The following BEND3 variants were observed in gnomAD, a reference collection of about 807,000 sequenced individuals.
BEND3 encodes the protein BEN domain-containing protein 3.
BEND3 carries 13 observed loss-of-function variants against 60.1 expected under a neutral mutation model. That is an observed-to-expected ratio of 0.22 (90% confidence interval 0.14 to 0.34). The LOEUF is 0.34. BEND3 is among the 10% of genes least tolerant of loss of function. The pLI, the probability that BEND3 is intolerant of heterozygous loss-of-function variation, is 1.00. For missense variants in BEND3, 896 were observed against 1,138.1 expected (o/e 0.79, Z 3.06); for synonymous variants, 497 against 491.5 (o/e 1.01, Z -0.15).
chr6:107,089,124 C>T (rs1252561227), intron 3 of BEND3, among the ~76,000 whole-genome samples: 7 of 129,316 alleles, frequency 5.4e-5, no homozygotes, highest in East Asian at 2.4e-4. Flanking sequence ...GGCAAAAGAT[C>T]GAGACTCCGT....
chr6:107,077,129 T>C (rs1775117076), intron 3 of BEND3, among the ~76,000 whole-genome samples: 2 of 152,170 alleles, frequency 1.3e-5, no homozygotes, highest in African/African-American at 2.4e-5. Flanking sequence ...GAATTTCTAA[T>C]GATCTCTTTC....
intron 1 of BEND3, among the ~76,000 whole-genome samples, chr6:107,112,086 C>G (rs1770114969): frequency 6.6e-6 from 1 of 152,128 alleles, no homozygotes; most frequent in Non-Finnish European, 1.5e-5. Flanking sequence ...GGCTAGCGAC[C>G]TTCATACTCT....
At chr6:107,110,032 A>G (rs1554238147) in intron 1 of BEND3, among the ~76,000 whole-genome samples, 1 of 19,222 alleles carries the variant, frequency 5.2e-5, no homozygotes. Context: ...CCCTGACTCA[A>G]AAAAAAAAAA....
chr6:107,069,500 T>C lies in BEND3; in HGVS notation c.1691A>G (p.Tyr564Cys). ...GTTGCCGATGGACAGGCTGCTCTCG[T>C]AGATGCTGCGTAGCTGCTCCTTGCT... The part of the protein sequence containing the change: ...LLSKEQLRSI[Y>C]ESSLSIGNFA... Residue 564 changes from tyrosine (Y) to cysteine (C), a missense_variant, in exon 4 of 4, where the codon TAC (tyrosine) becomes TGC (cysteine). By Grantham distance (194) the Tyr-to-Cys change is radical. Coordinates refer to ENST00000369042, the MANE Select transcript of BEND3 (RefSeq NM_001367314.1). The C allele has an allele frequency of 1.9e-6, 3 of 1,613,090 alleles. No individual in the cohort carries two copies.
In BEND3 at chr6:107,068,573, A is replaced by C. The variant is rs1461004019; in HGVS notation, c.*131T>G. On this transcript the variant is annotated 3_prime_UTR_variant, in exon 4 of 4. Transcript: ENST00000369042. The surrounding 1 kb of genome is among the most constrained non-coding windows in gnomAD (Gnocchi z 5.8). ...GGGTGTTTACGTGTGCAAATGTAGT[A>C]AGCCACTCCCCACGGACATAAGGTG... 2 of 1,008,832 alleles carry C rather than the reference A, an allele frequency of 2.0e-6. No homozygotes were observed. Among genetic ancestry groups the C allele is most frequent in the Non-Finnish European group, 2.8e-6 (2 of 702,220 alleles). 62.5% of individuals were successfully genotyped at this position (1,008,832 alleles called of 1,614,324 possible).
rs1774890091 is a variant in BEND3, at chr6:107,068,911, C to T, written c.2280G>A (p.Gln760=). Residue 760 remains glutamine, a synonymous_variant, in exon 4 of 4, where the codon CAG becomes CAA. Coordinates refer to ENST00000369042, the MANE Select transcript of BEND3 (RefSeq NM_001367314.1). The surrounding 1 kb of genome is among the most constrained non-coding windows in gnomAD (Gnocchi z 5.8). ...TGTTGCAAGCCCCGGAATGGTTGTA[C>T]TGCAGCCGGAGGTTCTCGGCGGTGA... ...ELFTAENLRL[Q]YNHSGACNKK... 1.2e-6 allele frequency: 2 copies of T among 1,613,850 alleles called. No homozygotes were observed. The highest frequency in any genetic ancestry group is 2.7e-5 in the African/African-American group (2 of 74,896).
intron 3 of BEND3, among the ~76,000 whole-genome samples, chr6:107,082,697 G>A (rs1249512816): frequency 1.3e-5 from 2 of 152,180 alleles, no homozygotes; most frequent in East Asian, 3.9e-4. Context: ...CCAAAGTGCT[G>A]GGATTACAGG....
At chr6:107,078,711 G>A (rs1219482512) in intron 3 of BEND3, among the ~76,000 whole-genome samples, 1 of 151,208 alleles carries the variant, frequency 6.6e-6, no homozygotes, top group Non-Finnish European at 1.5e-5. Context: ...AGCCCAGCGA[G>A]GCGGGCAGTG....
In BEND3 at chr6:107,066,536, CA is replaced by C. The variant is rs1774833543; in HGVS notation, c.*2167del. 2 of 152,598 alleles carry C rather than the reference CA, an allele frequency of 1.3e-5. No homozygotes were observed. The highest frequency in any genetic ancestry group is 2.4e-5 in the African/African-American group (1 of 41,444). The allele number at this position is 152,598 out of a possible 1,614,324, so 9.5% of individuals were successfully genotyped here. On this transcript the variant is annotated 3_prime_UTR_variant, in exon 4 of 4. Coordinates refer to ENST00000369042, the MANE Select transcript of BEND3 (RefSeq NM_001367314.1). ...TCCTAGAACCTGTTGATTTCTCTAA[CA>C]GGGGTAGATGGGAGTTTCAAAAAAA...
At chr6:107,089,726 C>T (rs1775435290) in intron 3 of BEND3, among the ~76,000 whole-genome samples, 1 of 151,334 alleles carries the variant, frequency 6.6e-6, no homozygotes, top group Non-Finnish European at 1.5e-5. Flanking sequence ...TCCTGAGTAG[C>T]TGGGATAAGA....
chr6:107,073,597 T>A (rs1468585025), intron 3 of BEND3, among the ~76,000 whole-genome samples: 1 of 152,038 alleles, frequency 6.6e-6, no homozygotes, highest in African/African-American at 2.4e-5. Flanking sequence ...CATTCTCAAA[T>A]ACATGCTTAA....
intron 3 of BEND3, among the ~76,000 whole-genome samples, chr6:107,089,783 T>TG (rs1775436935): frequency 6.7e-6 from 1 of 150,344 alleles, no homozygotes; most frequent in Non-Finnish European, 1.5e-5. Flanking sequence ...TTAGTAGAGA[T>TG]GGGGTTTCAC....
At position 107,089,592 on chromosome 6, in the gene BEND3, AAAAAAGG is replaced by A. The variant is rs1487454767; in HGVS notation, c.240+8952_240+8958del. 9.9e-5 allele frequency among the ~76,000 whole-genome samples: 12 copies of A among 121,340 alleles called. No individual in the cohort carries two copies. In the East Asian group the frequency reaches 2.8e-3, roughly 29 times the overall value. The allele number at this position is 121,340 out of a possible 152,430, so 79.6% of individuals were successfully genotyped here. A position where few individuals can be genotyped will look rare whatever the true frequency, so the allele number is the denominator to read the frequency against. ...CACAGCGAGACTCTGTCTCGAAAAA[AAAAAAGG>A]ATTTTTTTTTTTCGAGACAGAGTCT... On this transcript the variant is annotated intron_variant, in intron 3 of 3. Coordinates refer to ENST00000369042, the MANE Select transcript of BEND3 (RefSeq NM_001367314.1).
At chr6:107,082,585 C>T (rs967379205) in intron 3 of BEND3, among the ~76,000 whole-genome samples, 34 of 152,160 alleles carry the variant, frequency 2.2e-4, no homozygotes, top group Non-Finnish European at 4.3e-4. Context: ...CAGGCACACG[C>T]CACCACACCG....
At chr6:107,081,486 T>G (rs1675557043) in intron 3 of BEND3, among the ~76,000 whole-genome samples, 1 of 152,048 alleles carries the variant, frequency 6.6e-6, no homozygotes. Flanking sequence ...CCTCCCAAAG[T>G]GCTGGGATTA....
chr6:107,091,915 G>A (rs1424775725), intron 3 of BEND3, among the ~76,000 whole-genome samples: 1 of 152,152 alleles, frequency 6.6e-6, no homozygotes, highest in African/African-American at 2.4e-5. Context: ...ATTAGCAGGA[G>A]ACTGATTTGA....
At chr6:107,089,505 G>A (rs1447528718) in intron 3 of BEND3, among the ~76,000 whole-genome samples, 1 of 149,858 alleles carries the variant, frequency 6.7e-6, no homozygotes, top group African/African-American at 2.5e-5. Flanking sequence ...AGAATGGTGT[G>A]AACCCAGGAG....
At chr6:107,097,877 G>A (rs1210634863) in intron 3 of BEND3, among the ~76,000 whole-genome samples, 4 of 148,936 alleles carry the variant, frequency 2.7e-5, no homozygotes, top group Admixed American at 2.0e-4. Context: ...CTATAAACAT[G>A]TATATTTAAA....
At chr6:107,087,792 CTTTTTTTTT>C (rs34765639) in intron 3 of BEND3, among the ~76,000 whole-genome samples, 4 of 92,396 alleles carry the variant, frequency 4.3e-5, no homozygotes, top group Non-Finnish European at 8.2e-5. Flanking sequence ...AATGAAAATA[CTTTTTTTTT>C]TTTTTTTTTT....
Sources: allele counts gnomAD v4.1 joint callset (sites outside exome capture counted in the v4.1 genomes callset), GRCh38; gene constraint gnomAD v4.1.1; non-coding constraint Gnocchi (gnomAD v3.1); transcripts MANE v1.5; gene names NCBI Gene and HGNC (gene_info 2026-07-23, HGNC 2026-07-21).